Variants in CNBD1 observed in about 807,000 individuals in gnomAD.
The protein encoded by CNBD1 is cyclic nucleotide binding domain containing 1, also known as cyclic nucleotide-binding domain-containing protein 1.
A neutral mutation model predicts 54.4 loss-of-function variants in CNBD1; 71 were observed. The ratio of observed to expected loss-of-function variants is 1.30; its 90% CI spans 1.08 to 1.59. The LOEUF (loss-of-function observed/expected upper bound fraction) is 1.59, where lower values mean the gene tolerates loss of function less well. Among genes scored for constraint, CNBD1 ranks in the 40% most tolerant of loss-of-function variants. CNBD1 has a pLI of 0.00. For synonymous variants in CNBD1, 182 were observed against 170.7 expected (o/e 1.07, Z -0.51); for missense variants, 659 against 518.0 (o/e 1.27, Z -2.64).
chr8:86,989,126 G>C (rs1264770814), intron 4 of CNBD1, among the ~76,000 whole-genome samples: 1 of 152,002 alleles, frequency 6.6e-6, no homozygotes, highest in Non-Finnish European at 1.5e-5. Flanking sequence ...AAAAAAATCA[G>C]CCAGGCATGG....
intron 4 of CNBD1, among the ~76,000 whole-genome samples, chr8:87,038,445 T>C (rs1365321909): frequency 6.6e-6 from 1 of 152,074 alleles, no homozygotes. Context: ...TGTGGAAAAA[T>C]GGTCCTCTTC....
chr8:87,339,656 G>A (rs146544064), intron 8 of CNBD1, among the ~76,000 whole-genome samples: 33 of 151,902 alleles, frequency 2.2e-4, no homozygotes, highest in African/African-American at 7.7e-4. Context: ...ATTTCCTTCA[G>A]GTTTTCTTTT....
chr8:86,870,790 A>G (rs1181385363), intron 1 of CNBD1, among the ~76,000 whole-genome samples: 3 of 152,176 alleles, frequency 2.0e-5, no homozygotes, highest in Non-Finnish European at 4.4e-5. Context: ...TGTATAATGT[A>G]TAAAGAAACC....
chr8:87,049,530 T>C (rs886674643), intron 4 of CNBD1, among the ~76,000 whole-genome samples: 15 of 152,170 alleles, frequency 9.9e-5, no homozygotes, highest in African/African-American at 2.9e-4. Context: ...CCCTGCCTTA[T>C]GGGTTTCTTG....
chr8:87,412,204 A>C (rs1807757729), intron 2 of CNBD1, among the ~76,000 whole-genome samples: 1 of 152,064 alleles, frequency 6.6e-6, no homozygotes, highest in Non-Finnish European at 1.5e-5. Context: ...AATGCTAATC[A>C]TTTATGTATG....
intron 4 of CNBD1, among the ~76,000 whole-genome samples, chr8:86,947,412 A>T (rs982405525): frequency 6.6e-5 from 10 of 152,068 alleles, no homozygotes; most frequent in Non-Finnish European, 1.5e-5. Context: ...ATGAGCCACT[A>T]AATTGGGCTC....
chr8:87,345,025 C>T (rs756173761), intron 8 of CNBD1, among the ~76,000 whole-genome samples: 78 of 152,144 alleles, frequency 5.1e-4, no homozygotes, highest in East Asian at 7.7e-4. Flanking sequence ...ATTGATTTTG[C>T]GCTAGTTATA....
rs1813691675 is a variant in CNBD1 at position 87,195,184 on chromosome 8, G to A, written c.432-10809G>A. On this transcript the variant is annotated intron_variant, in intron 4 of 10. Coordinates refer to ENST00000518476, the MANE Select transcript of CNBD1 (RefSeq NM_173538.3). ...AGGCATGAGCCACCATGCCCGGCCC[G>A]TTTAGTATTTTTTAGTGTTTTAATT... Among the ~76,000 whole-genome samples the A allele has an allele frequency of 2.7e-5, 4 of 147,772 alleles. No individual in the cohort carries two copies. The South Asian group carries it at 6.5e-4, about 24-fold the overall frequency.
intron 4 of CNBD1, among the ~76,000 whole-genome samples, chr8:87,137,314 A>G (rs1812276176): frequency 6.6e-6 from 1 of 150,766 alleles, no homozygotes; most frequent in Non-Finnish European, 1.5e-5. Flanking sequence ...CTCCTGCCTC[A>G]GCCTCCCGAG....
chr8:87,424,991 C>G (rs1808019635), intron 2 of CNBD1, among the ~76,000 whole-genome samples: 1 of 152,084 alleles, frequency 6.6e-6, no homozygotes, highest in South Asian at 2.1e-4. Context: ...TTCACATAGT[C>G]CCATATTTCT....
intron 8 of CNBD1, among the ~76,000 whole-genome samples, chr8:87,298,345 G>A (rs934857280): frequency 8.6e-5 from 13 of 151,912 alleles, no homozygotes; most frequent in South Asian, 2.1e-4. Context: ...AGGGCAAAGC[G>A]CGATGGAAGA....
chr8:86,872,251 T>C (rs1276243447), intron 1 of CNBD1, among the ~76,000 whole-genome samples: 1 of 152,212 alleles, frequency 6.6e-6, no homozygotes, highest in African/African-American at 2.4e-5. Context: ...TGGGGTTCCC[T>C]TTGCTCTTCC....
chr8:87,128,920 TAA>T (rs71277914), intron 4 of CNBD1, among the ~76,000 whole-genome samples: 49 of 126,290 alleles, frequency 3.9e-4, no homozygotes, highest in Admixed American at 5.7e-4. Flanking sequence ...CGTCTCCACT[TAA>T]AAAAAAAAAA....
chr8:86,895,116 T>G (rs936562296), intron 2 of CNBD1, among the ~76,000 whole-genome samples: 3 of 152,196 alleles, frequency 2.0e-5, no homozygotes, highest in Non-Finnish European at 2.9e-5. Context: ...TCACCTTTAT[T>G]AAGCCCCACC....
chr8:87,327,107 A>G (rs1438228680), intron 8 of CNBD1, among the ~76,000 whole-genome samples: 1 of 146,272 alleles, frequency 6.8e-6, no homozygotes, highest in East Asian at 2.0e-4. Context: ...CCTCCCAGTT[A>G]GGCTGCTCGG....
At chr8:87,147,586 A>G (rs1812516143) in intron 4 of CNBD1, among the ~76,000 whole-genome samples, 1 of 152,106 alleles carries the variant, frequency 6.6e-6, no homozygotes, top group African/African-American at 2.4e-5. Context: ...TCTTGAAATA[A>G]TGCTCAGAGT....
chr8:86,996,526 T>C (rs924242261), intron 4 of CNBD1, among the ~76,000 whole-genome samples: 3 of 152,246 alleles, frequency 2.0e-5, no homozygotes, highest in Admixed American at 1.3e-4. Context: ...CAATTATTTG[T>C]ACCTTACAAT....
At chr8:87,360,054 T>C (rs955527913) in intron 10 of CNBD1, among the ~76,000 whole-genome samples, 1 of 152,036 alleles carries the variant, frequency 6.6e-6, no homozygotes, top group Non-Finnish European at 1.5e-5. Flanking sequence ...TGGGTTATAC[T>C]CTCTATTTGG....
At chr8:87,256,367 GA>G (rs937914538) in intron 6 of CNBD1, among the ~76,000 whole-genome samples, 31 of 151,772 alleles carry the variant, frequency 2.0e-4, no homozygotes, top group African/African-American at 3.4e-4. Flanking sequence ...ATATCAAGGG[GA>G]AAAAATAATT....
Sources: gnomAD v4.1 joint callset for allele counts (sites outside exome capture counted in the v4.1 genomes callset) on GRCh38, gnomAD v4.1.1 for gene constraint, MANE v1.5 for transcripts, NCBI Gene and HGNC (gene_info 2026-07-23, HGNC 2026-07-21) for gene names.